The following ZMYM2 variants were observed in gnomAD, a reference collection of about 807,000 sequenced individuals.
ZMYM2 encodes zinc finger MYM-type protein 2.
ZMYM2 carries 56 observed loss-of-function variants against 162.8 expected under a neutral mutation model. The observed-to-expected ratio is 0.34, with a 90% CI of 0.28 to 0.43. The LOEUF (loss-of-function observed/expected upper bound fraction) is 0.43, where lower values mean the gene tolerates loss of function less well. Among genes scored for constraint, ZMYM2 ranks in the 20% least tolerant of loss-of-function variants. The pLI, the probability that ZMYM2 is intolerant of heterozygous loss-of-function variation, is 1.00. For synonymous variants in ZMYM2, 510 were observed against 541.6 expected, an observed-to-expected ratio of 0.94 and a Z score of 0.81; for missense variants, 1,275 against 1,621.8, an observed-to-expected ratio of 0.79 and a Z score of 3.67.
chr13:19,919,028 G>A, the ZMYM2 span, among the ~76,000 whole-genome samples: 5 of 151,846 alleles, frequency 3.3e-5, no homozygotes, highest in South Asian at 2.1e-4. Flanking sequence ...CCTCTCTACC[G>A]CCTTTCCCTA....
chr13:19,907,771 A>AAAAG, the ZMYM2 span, among the ~76,000 whole-genome samples: 3 of 150,410 alleles, frequency 2.0e-5, 1 homozygote, highest in East Asian at 5.8e-4. Flanking sequence ...CAAAAAAAAA[A>AAAAG]AAAAAAAAAA....
intron 12 of ZMYM2, among the ~76,000 whole-genome samples, chr13:20,045,606 A>AT (rs1954698821): frequency 6.6e-6 from 1 of 152,158 alleles, no homozygotes; most frequent in Non-Finnish European, 1.5e-5. Flanking sequence ...GTGCACTTTT[A>AT]TACCCATTGT....
At chr13:19,877,656 T>G in the ZMYM2 span, among the ~76,000 whole-genome samples, 1 of 152,240 alleles carries the variant, frequency 6.6e-6, no homozygotes, top group Admixed American at 6.5e-5. Flanking sequence ...TTTTTCATTT[T>G]GTGACTGCCT....
At chr13:20,010,723 C>A (rs1951105243) in intron 6 of ZMYM2, among the ~76,000 whole-genome samples, 1 of 152,266 alleles carries the variant, frequency 6.6e-6, no homozygotes, top group African/African-American at 2.4e-5. Flanking sequence ...TCACTGTAGC[C>A]TCTGCCTCCT....
chr13:19,965,355 C>T (rs1955651052), intron 2 of ZMYM2: 1 of 777,380 alleles, frequency 1.3e-6, no homozygotes, highest in South Asian at 1.5e-5. Flanking sequence ...AATACTGGAA[C>T]AGTTTTATAA....
At chr13:19,983,631 TA>T (rs1957561095) in intron 2 of ZMYM2, among the ~76,000 whole-genome samples, 1 of 152,238 alleles carries the variant, frequency 6.6e-6, no homozygotes, top group African/African-American at 2.4e-5. Flanking sequence ...TTTATTTTAT[TA>T]TTTTTTTCTT....
chr13:19,950,207 TA>T, the ZMYM2 span, among the ~76,000 whole-genome samples: 8 of 152,174 alleles, frequency 5.3e-5, no homozygotes, highest in South Asian at 1.7e-3. Flanking sequence ...AAATAATTTT[TA>T]AAAATTAAAA....
At chr13:20,043,127 G>T (rs190330636) in intron 12 of ZMYM2, among the ~76,000 whole-genome samples, 43 of 152,220 alleles carry the variant, frequency 2.8e-4, no homozygotes, top group Admixed American at 6.5e-4. Flanking sequence ...TTAAGGGACC[G>T]GTGCTAAGTT....
intron 10 of ZMYM2, among the ~76,000 whole-genome samples, chr13:20,031,754 T>G (rs1953160254): frequency 6.6e-6 from 1 of 152,164 alleles, no homozygotes; most frequent in African/African-American, 2.4e-5. Context: ...TGTTTCTCCC[T>G]GTCCTGTATT....
At chr13:19,934,192 G>A in the ZMYM2 span, among the ~76,000 whole-genome samples, 1 of 151,992 alleles carries the variant, frequency 6.6e-6, no homozygotes, top group Non-Finnish European at 1.5e-5. Flanking sequence ...ACGTAGTCTC[G>A]ATCTCTTGCC....
the ZMYM2 span, among the ~76,000 whole-genome samples, chr13:19,929,824 T>C: frequency 6.6e-5 from 10 of 152,242 alleles, no homozygotes; most frequent in Non-Finnish European, 1.2e-4. Context: ...GTTAATTTAC[T>C]TGTAAACCGT....
At chr13:19,940,418 T>C in the ZMYM2 span, among the ~76,000 whole-genome samples, 1 of 152,214 alleles carries the variant, frequency 6.6e-6, no homozygotes, top group Non-Finnish European at 1.5e-5. Flanking sequence ...AATCACTACA[T>C]TTTCCCCAAA....
chr13:19,945,951 G>GAAAAAA, the ZMYM2 span, among the ~76,000 whole-genome samples: 22 of 89,530 alleles, frequency 2.5e-4, no homozygotes, highest in East Asian at 6.7e-4. Flanking sequence ...CTCCGTCTCA[G>GAAAAAA]AAAAAAAAAA....
At chr13:19,962,373 G>A (rs559841649) in intron 2 of ZMYM2, among the ~76,000 whole-genome samples, 24 of 151,380 alleles carry the variant, frequency 1.6e-4, no homozygotes, top group African/African-American at 5.8e-4. Context: ...GGTATAATTA[G>A]AATTGTTATA....
At chr13:20,084,987 T>C (rs1413275900) in intron 24 of ZMYM2, among the ~76,000 whole-genome samples, 3 of 152,242 alleles carry the variant, frequency 2.0e-5, no homozygotes, top group Admixed American at 2.0e-4. Context: ...AATATTTGCA[T>C]ATACATTATA....
At chr13:19,931,544 G>C in the ZMYM2 span, among the ~76,000 whole-genome samples, 2 of 152,150 alleles carry the variant, frequency 1.3e-5, no homozygotes, top group African/African-American at 2.4e-5. Context: ...CTCCTTTCCA[G>C]AATGTCATAT....
At position 20,052,270 on chromosome 13, in the gene ZMYM2, T is replaced by G; in HGVS notation, c.2459-7T>G. ...TGTCTTATTTTAAATTTTTTTGTGT[T>G]TTTTAGATCAGGGTTGTCAGACATC... On this transcript the variant is annotated splice_region_variant and splice_polypyrimidine_tract_variant and intron_variant, in intron 13 of 24. Coordinates refer to ENST00000610343, the MANE Select transcript of ZMYM2 (RefSeq NM_197968.4). 2 of 1,554,928 alleles carry G rather than the reference T, an allele frequency of 1.3e-6. No individual in the cohort carries two copies. Among genetic ancestry groups the G allele is most frequent in the Non-Finnish European group, 1.7e-6 (2 of 1,148,598 alleles).
the ZMYM2 span, among the ~76,000 whole-genome samples, chr13:19,945,832 T>C: frequency 1.3e-5 from 2 of 151,520 alleles, no homozygotes; most frequent in Non-Finnish European, 2.9e-5. Flanking sequence ...ACCTGTAATC[T>C]CAGCTACTTG....
At chr13:19,885,847 C>CA in the ZMYM2 span, among the ~76,000 whole-genome samples, 33 of 23,144 alleles carry the variant, frequency 1.4e-3, 3 homozygotes, top group Admixed American at 3.9e-3. Context: ...AACTCTGTCT[C>CA]AAAAAAAAAA....
Sources: gnomAD v4.1 joint callset for allele counts (sites outside exome capture counted in the v4.1 genomes callset) on GRCh38, gnomAD v4.1.1 for gene constraint, MANE v1.5 for transcripts, NCBI Gene and HGNC (gene_info 2026-07-23, HGNC 2026-07-21) for gene names.